NYAP1: variants seen among roughly 807,000 people sequenced by gnomAD.
NYAP1 encodes neuronal tyrosine phosphorylated phosphoinositide-3-kinase adaptor 1, also known as neuronal tyrosine-phosphorylated phosphoinositide-3-kinase adapter 1.
Under a neutral mutation model 58.6 loss-of-function variants are expected in NYAP1, and 20 were observed. The observed-to-expected ratio is 0.34, with a 90% confidence interval of 0.24 to 0.50. The LOEUF (loss-of-function observed/expected upper bound fraction) is 0.50. Ranked by LOEUF, NYAP1 falls within the 20% of genes least tolerant of loss-of-function variation. The probability of loss-of-function intolerance (pLI) is 0.98; values close to 1 mark genes in which losing one functional copy is unlikely to be tolerated. For missense variants in NYAP1, 1,150 were observed against 1,194.5 expected (o/e 0.96, Z 0.55); for synonymous variants, 572 against 523.1 (o/e 1.09, Z -1.27).
In NYAP1 at chr7:100,489,079, C is replaced by T. The variant is rs774718976; in HGVS notation, c.1358C>T (p.Pro453Leu). Residue 453 changes from proline (P) to leucine (L), a missense_variant, in exon 4 of 7, where the codon CCC becomes CTC. Pro to Leu is a moderately conservative substitution (Grantham distance 98, BLOSUM62 -3). Coordinates refer to ENST00000300179, the MANE Select transcript of NYAP1 (RefSeq NM_173564.4). ...PAPAALLPGPPKDKAVSYTMV... is the reference protein window; with the variant it reads ...PAPAALLPGPLKDKAVSYTMV... Reference sequence around the variant, plus strand: ...CCGGCCGCCTTGCTCCCCGGCCCCCCCAAGGACAAGGCCGTGTCTTACACC... The same window carrying T: ...CCGGCCGCCTTGCTCCCCGGCCCCCTCAAGGACAAGGCCGTGTCTTACACC... 6.4e-7 allele frequency: 1 copy of T among 1,553,292 alleles called. No individual in the cohort carries two copies. The highest frequency in any genetic ancestry group is 8.7e-7 in the Non-Finnish European group (1 of 1,149,978).
At position 100,489,032 on chromosome 7, in the gene NYAP1, G is replaced by T; in HGVS notation, c.1311G>T (p.Gly437=). Residue 437 remains glycine (G), a synonymous_variant, in exon 4 of 7, where the codon GGG becomes GGT. Transcript: ENST00000300179. ...GCATGATCTGCCCTAAGGCGGCGGG[G>T]GCGCCGGCAGCCCCCCCTGCCCCGG... is the stretch of plus-strand genomic sequence containing the variant. ...SHSMICPKAA[G]APAAPPAPAA... The T allele has an allele frequency of 6.5e-7, 1 of 1,547,330 alleles. No homozygotes were observed. The highest frequency in any genetic ancestry group is 8.7e-7 in the Non-Finnish European group (1 of 1,151,364).
Position 100,489,426 on chromosome 7 carries a change from G to T in NYAP1, c.1705G>T (p.Ala569Ser). The T allele has an allele frequency of 1.2e-6, 2 of 1,613,016 alleles. No homozygotes were observed. The highest frequency in any genetic ancestry group is 2.7e-5 in the African/African-American group (2 of 75,026). Residue 569 changes from alanine to serine, a missense_variant, in exon 4 of 7, where the codon GCT becomes TCT. Ala to Ser is a moderately conservative substitution (Grantham distance 99). Coordinates refer to ENST00000300179, the MANE Select transcript of NYAP1 (RefSeq NM_173564.4). ...ACCCCCTGCCTATGAGAGCCTCAAGGCTGGGGGGGTGCTGAATAAGGGCTG... is the reference window on the plus strand; with the variant it reads ...ACCCCCTGCCTATGAGAGCCTCAAGTCTGGGGGGGTGCTGAATAAGGGCTG... ...KRPPAYESLKAGGVLNKGCGV... is the reference protein window; with the variant it reads ...KRPPAYESLKSGGVLNKGCGV...
intron 1 of NYAP1, among the ~76,000 whole-genome samples, chr7:100,484,652 G>C (rs116826922): frequency 1.1e-4 from 17 of 152,194 alleles, no homozygotes; most frequent in African/African-American, 2.9e-4. Context: ...CCCAAGATAG[G>C]GGGGAGAGTC....
intron 4 of NYAP1, among the ~76,000 whole-genome samples, chr7:100,489,929 C>A (rs533063383): frequency 6.6e-6 from 1 of 152,190 alleles, no homozygotes; most frequent in South Asian, 2.1e-4. Context: ...CTGCCCCTCC[C>A]TTCCCGGGGC....
rs1328229158 is a variant in NYAP1, at chr7:100,490,189, G to T, written c.1946-328G>T. ...CCCCTACAGGTCTTGATCCCAGGGG[G>T]ATGGTCATTCTCGCCCTATCTGGAG... is the stretch of plus-strand genomic sequence containing the variant. On this transcript the variant is annotated intron_variant, in intron 4 of 6. Transcript: ENST00000300179. The surrounding 1 kb of genome is among the most constrained non-coding windows in gnomAD (Gnocchi z 4.6). Among the ~76,000 whole-genome samples the T allele has an allele frequency of 1.3e-5, 2 of 152,286 alleles. 1 individual carries two copies. The highest frequency in any genetic ancestry group is 4.1e-4 in the South Asian group (2 of 4,828).
In NYAP1 at chr7:100,485,022, T is replaced by A. The variant is rs1170707250; in HGVS notation, c.-84-206T>A. Among the ~76,000 whole-genome samples the A allele has an allele frequency of 1.3e-5, 2 of 151,752 alleles. No individual in the cohort carries two copies. Among genetic ancestry groups the A allele is most frequent in the Non-Finnish European group, 2.9e-5 (2 of 67,910 alleles). On this transcript the variant is annotated intron_variant, in intron 1 of 6. Coordinates refer to ENST00000300179, the MANE Select transcript of NYAP1 (RefSeq NM_173564.4). This position sits in a 1 kb window ranked among gnomAD's most constrained non-coding sequence, Gnocchi z 5.7. ...CTGTGTTGACCTGGTCTCTCCAGAG[T>A]GTGTATTTGGGGCTCTGAACACCTT...
intron 1 of NYAP1, among the ~76,000 whole-genome samples, 183 bp downstream of exon 1, chr7:100,484,184 G>C (rs1297904781): frequency 6.6e-6 from 1 of 152,094 alleles, no homozygotes; most frequent in African/African-American, 2.4e-5. Context: ...GGCCAGGTTT[G>C]GAACAGGGGA....
At position 100,488,831 on chromosome 7, in the gene NYAP1, C is replaced by A. The variant is rs754919526; in HGVS notation, c.1110C>A (p.Thr370=). 2 of 1,579,906 alleles carry A rather than the reference C, an allele frequency of 1.3e-6. No individual in the cohort carries two copies. Among genetic ancestry groups the A allele is most frequent in the South Asian group, 2.3e-5 (2 of 86,672 alleles). ...LCHSKEPAGS[T]PAPQVPARER... ...ACTCCAAGGAGCCAGCCGGCTCCAC[C>A]CCAGCTCCCCAAGTGCCTGCACGGG... Residue 370 remains threonine, a synonymous_variant, in exon 4 of 7, where the codon ACC becomes ACA. Coordinates refer to ENST00000300179, the MANE Select transcript of NYAP1 (RefSeq NM_173564.4). This position sits in a 1 kb window ranked among gnomAD's most constrained non-coding sequence, Gnocchi z 5.9.
intron 1 of NYAP1, among the ~76,000 whole-genome samples, chr7:100,484,485 C>T (rs1283218774): frequency 6.6e-6 from 1 of 152,068 alleles, no homozygotes; most frequent in Non-Finnish European, 1.5e-5. Context: ...GAGCCAGAAT[C>T]GGGGTGGACC....
rs990666550 is a variant in NYAP1, at chr7:100,490,855, C to T, written c.2158+126C>T. 1 of 1,066,288 alleles carries T rather than the reference C, an allele frequency of 9.4e-7. No individual in the cohort carries two copies. The highest frequency in any genetic ancestry group is 1.3e-6 in the Non-Finnish European group (1 of 744,362). The allele number at this position is 1,066,288 out of a possible 1,614,324, so 66.1% of individuals were successfully genotyped here. Reference sequence around the variant, plus strand: ...GTGCCCAGGGCCCTAAATCCTCATACCACATCTCCACCCCTTTTTCCCTTC... The same window carrying T: ...GTGCCCAGGGCCCTAAATCCTCATATCACATCTCCACCCCTTTTTCCCTTC... On this transcript the variant is annotated intron_variant, in intron 5 of 6. Coordinates refer to ENST00000300179, the MANE Select transcript of NYAP1 (RefSeq NM_173564.4). The surrounding 1 kb of genome is among the most constrained non-coding windows in gnomAD (Gnocchi z 4.6).
Position 100,486,673 on chromosome 7 carries a change from C to G in NYAP1, c.69-148C>G. On this transcript the variant is annotated intron_variant, in intron 2 of 6. Transcript: ENST00000300179. This position sits in a 1 kb window ranked among gnomAD's most constrained non-coding sequence, Gnocchi z 6.2. ...CTGCCTGAAGCCCCTTCATTGGTGC[C>G]CTGGACCTTCTGGCAACCCTGTCCC... The G allele has an allele frequency of 1.1e-6, 1 of 891,766 alleles. No individual in the cohort carries two copies. The highest frequency in any genetic ancestry group is 3.6e-4 in the Middle Eastern group (1 of 2,808). 55.2% of individuals were successfully genotyped at this position (891,766 alleles called of 1,614,324 possible). A position where few individuals can be genotyped will look rare whatever the true frequency, so the allele number is the denominator to read the frequency against.
At position 100,493,672 on chromosome 7, in the gene NYAP1, G is replaced by A. The variant is rs751928768; in HGVS notation, c.2295G>A (p.Leu765=). Residue 765 remains leucine (L), a synonymous_variant, in exon 7 of 7, where the codon CTG becomes CTA. Coordinates refer to ENST00000300179, the MANE Select transcript of NYAP1 (RefSeq NM_173564.4). The part of the protein sequence containing the change: ...SQPHPALPLP[L]PLPPQPARER... ...CCCACCCCGCGCTGCCGCTGCCTCT[G>A]CCCCTGCCGCCCCAGCCGGCCCGCG... 55 of 1,586,042 alleles carry A rather than the reference G, an allele frequency of 3.5e-5. No individual in the cohort carries two copies. The highest frequency in any genetic ancestry group is 4.4e-5 in the Non-Finnish European group (52 of 1,171,460).
At chr7:100,484,219 G>C (rs979744374) in intron 1 of NYAP1, among the ~76,000 whole-genome samples, 2 of 152,134 alleles carry the variant, frequency 1.3e-5, no homozygotes, top group African/African-American at 4.8e-5. Context: ...TGTAAGGAGG[G>C]GCGCCTGGGA....
intron 4 of NYAP1, 29 bp downstream of exon 4, chr7:100,489,695 G>T: frequency 3.5e-6 from 1 of 286,912 alleles, no homozygotes; most frequent in Non-Finnish European, 6.8e-6. Flanking sequence ...GTGGGGGCTG[G>T]CATCAGGGGT....
chr7:100,493,677 T>G lies in NYAP1; in HGVS notation c.2300T>G (p.Leu767Arg), dbSNP rs1227214986. ...CCCGCGCTGCCGCTGCCTCTGCCCC[T>G]GCCGCCCCAGCCGGCCCGCGAGCGT... ...PHPALPLPLP[L>R]PPQPARERDG... The change falls in exon 7 of 7, where the codon CTG becomes CGG. Residue 767 changes from leucine to arginine, a missense_variant. Coordinates refer to ENST00000300179, the MANE Select transcript of NYAP1 (RefSeq NM_173564.4). 6.3e-7 allele frequency: 1 copy of G among 1,588,136 alleles called. No individual in the cohort carries two copies. The highest frequency in any genetic ancestry group is 1.1e-5 in the South Asian group (1 of 88,928).
rs1405901973 is a variant in NYAP1, at chr7:100,488,900, CCTG to C, written c.1189_1191del (p.Leu397del). 5.6e-6 allele frequency: 9 copies of C among 1,597,412 alleles called. No individual in the cohort carries two copies. The highest frequency in any genetic ancestry group is 3.5e-5 in the Admixed American group (2 of 57,708). Reference sequence around the variant, plus strand: ...CACCGCCTCCACCTCCTGCTGCCAACCTGCTGCTGCTGGGACCATCGGGCCGGG... The same window carrying C: ...CACCGCCTCCACCTCCTGCTGCCAACCTGCTGCTGGGACCATCGGGCCGGG... On this transcript the variant is annotated inframe_deletion, in exon 4 of 7. Coordinates refer to ENST00000300179, the MANE Select transcript of NYAP1 (RefSeq NM_173564.4). This position sits in a 1 kb window ranked among gnomAD's most constrained non-coding sequence, Gnocchi z 5.9.
chr7:100,489,326 C>T lies in NYAP1; in HGVS notation c.1605C>T (p.His535=), dbSNP rs1478768956. The change falls in exon 4 of 7, where the codon CAC becomes CAT. Residue 535 remains histidine, a synonymous_variant. Coordinates refer to ENST00000300179, the MANE Select transcript of NYAP1 (RefSeq NM_173564.4). ...LHHRGCLASP[H]SLPDPTVGPL... ...ACCGCGGCTGCCTGGCCTCCCCCCA[C>T]AGCCTTCCGGACCCAACTGTAGGCC... The T allele has an allele frequency of 6.2e-7, 1 of 1,607,338 alleles. No individual in the cohort carries two copies. Among genetic ancestry groups the T allele is most frequent in the Admixed American group, 1.7e-5 (1 of 59,388 alleles).
rs1799847706 is a variant in NYAP1, at chr7:100,494,684, G to GT, written c.*782dup. Reference sequence around the variant, plus strand: ...GGGAGGAGGAGGGAAATTTTAGCGGGTGGAGGGGGTGGGCAGGGTATTTAT... The same window carrying GT: ...GGGAGGAGGAGGGAAATTTTAGCGGGTTGGAGGGGGTGGGCAGGGTATTTAT... On this transcript the variant is annotated 3_prime_UTR_variant, in exon 7 of 7. Coordinates refer to ENST00000300179, the MANE Select transcript of NYAP1 (RefSeq NM_173564.4). 2 of 143,250 alleles carry GT rather than the reference G, an allele frequency of 1.4e-5. No individual in the cohort carries two copies. The highest frequency in any genetic ancestry group is 3.1e-5 in the Non-Finnish European group (2 of 65,362). The allele number at this position is 143,250 out of a possible 1,614,324, so 8.9% of individuals were successfully genotyped here.
rs1327289577 is a variant in NYAP1 at position 100,486,482 on chromosome 7, G to A, written c.69-339G>A. 6.6e-6 allele frequency among the ~76,000 whole-genome samples: 1 copy of A among 152,050 alleles called. No homozygotes were observed. Among genetic ancestry groups the A allele is most frequent in the Non-Finnish European group, 1.5e-5 (1 of 67,984 alleles). On this transcript the variant is annotated intron_variant, in intron 2 of 6. Coordinates refer to ENST00000300179, the MANE Select transcript of NYAP1 (RefSeq NM_173564.4). The surrounding 1 kb of genome is among the most constrained non-coding windows in gnomAD (Gnocchi z 6.2). ...GGCCAAGGAGCTGTGGGGGGCAGGC[G>A]TGTCCATCTGTGTTACCTGGGTTTG... is the stretch of plus-strand genomic sequence containing the variant.
Sources: allele counts gnomAD v4.1 joint callset (sites outside exome capture counted in the v4.1 genomes callset), GRCh38; gene constraint gnomAD v4.1.1; non-coding constraint Gnocchi (gnomAD v3.1); transcripts MANE v1.5; gene names NCBI Gene and HGNC (gene_info 2026-07-23, HGNC 2026-07-21).